Variants in ANO4 observed in about 807,000 individuals in gnomAD.
The protein encoded by ANO4 is anoctamin-4.
Under a neutral mutation model 141.9 loss-of-function variants are expected in ANO4, and 69 were observed. The observed-to-expected ratio is 0.49, with a 90% CI of 0.40 to 0.59. The LOEUF (loss-of-function observed/expected upper bound fraction) is 0.59, where lower values mean the gene tolerates loss of function less well. Ranked by LOEUF, ANO4 falls within the 20% of genes least tolerant of loss-of-function variation. The pLI, the probability that ANO4 is intolerant of heterozygous loss-of-function variation, is 0.00. For synonymous variants in ANO4, 350 were observed against 394.3 expected, an observed-to-expected ratio of 0.89 and a Z score of 1.33; for missense variants, 894 against 1,162.2, an observed-to-expected ratio of 0.77 and a Z score of 3.36.
At position 100,997,882 on chromosome 12, in the gene ANO4, CT is replaced by C. The variant is rs566725771; in HGVS notation, c.734+10216del. 3.2e-4 allele frequency among the ~76,000 whole-genome samples: 49 copies of C among 152,268 alleles called. No homozygotes were observed. The East Asian group carries it at 7.7e-3, about 24-fold the overall frequency. On this transcript the variant is annotated intron_variant, in intron 8 of 27. Coordinates refer to ENST00000392977, the MANE Select transcript of ANO4 (RefSeq NM_001286615.2). ...TCTTTATCACAGGTGCCTTGCAGGA[CT>C]TTTCTGAAGGCTGTTTCTGGTAGTC...
At chr12:100,977,572 C>T (rs977948635) in intron 7 of ANO4, among the ~76,000 whole-genome samples, 2 of 152,130 alleles carry the variant, frequency 1.3e-5, no homozygotes, top group Non-Finnish European at 2.9e-5. Context: ...TTTGCTTGCT[C>T]ATCTAGTCAG....
At chr12:100,952,975 A>G in intron 5 of ANO4, among the ~76,000 whole-genome samples, 1 of 150,016 alleles carries the variant, frequency 6.7e-6, no homozygotes, top group Middle Eastern at 3.2e-3. Flanking sequence ...ACTTTAAGGG[A>G]AAAAAATACC....
intron 2 of ANO4, among the ~76,000 whole-genome samples, chr12:100,905,057 G>A (rs2040774425): frequency 6.6e-6 from 1 of 152,178 alleles, no homozygotes. Context: ...GGAGAAGGCT[G>A]CAAGAGAAGC....
intron 1 of ANO4, among the ~76,000 whole-genome samples, chr12:100,897,784 A>G (rs767914560): frequency 2.6e-5 from 4 of 152,200 alleles, no homozygotes; most frequent in Non-Finnish European, 4.4e-5. Context: ...CAGCTGATCA[A>G]GAATCAGGAG....
chr12:100,762,587 T>C (rs1208296760), intron 3 of ANO4, among the ~76,000 whole-genome samples: 2 of 152,182 alleles, frequency 1.3e-5, no homozygotes, highest in Admixed American at 6.5e-5. Context: ...GAACAAGTGC[T>C]TACTTCCCTG....
chr12:100,723,414 C>T (rs1333833647), intron 1 of ANO4, among the ~76,000 whole-genome samples: 2 of 152,064 alleles, frequency 1.3e-5, no homozygotes, highest in Non-Finnish European at 1.5e-5. Flanking sequence ...TGGATGCTCA[C>T]GTGGCCTTTC....
At chr12:101,084,523 CA>C (rs1478288506) in intron 16 of ANO4, among the ~76,000 whole-genome samples, 5 of 151,814 alleles carry the variant, frequency 3.3e-5, no homozygotes, top group African/African-American at 1.2e-4. Flanking sequence ...TTCCTTTTTT[CA>C]AATGATGAGT....
chr12:100,912,107 C>A (rs61246670), intron 2 of ANO4, among the ~76,000 whole-genome samples: 1 of 151,976 alleles, frequency 6.6e-6, no homozygotes, highest in African/African-American at 2.4e-5. Flanking sequence ...TATTTAATTT[C>A]TTATGTGGCC....
At chr12:100,913,565 A>G (rs1177162582) in intron 2 of ANO4, among the ~76,000 whole-genome samples, 5 of 152,178 alleles carry the variant, frequency 3.3e-5, no homozygotes, top group Admixed American at 6.5e-5. Context: ...AAGTTTTATC[A>G]TAGGTATGTA....
intron 8 of ANO4, among the ~76,000 whole-genome samples, chr12:101,007,916 C>T (rs1023652782): frequency 6.6e-6 from 1 of 151,994 alleles, no homozygotes; most frequent in African/African-American, 2.4e-5. Context: ...TGCGAGCTGC[C>T]CACATGTTTA....
intron 1 of ANO4, among the ~76,000 whole-genome samples, chr12:100,847,267 T>C (rs182753705): frequency 1.3e-5 from 2 of 152,278 alleles, no homozygotes; most frequent in East Asian, 1.9e-4. Context: ...ATACACTTGC[T>C]TTTTTGGAAG....
chr12:101,001,166 G>A (rs1203902097), intron 8 of ANO4, among the ~76,000 whole-genome samples: 1 of 152,150 alleles, frequency 6.6e-6, no homozygotes, highest in Non-Finnish European at 1.5e-5. Context: ...AACACCTATA[G>A]GAAAGGGAAA....
chr12:101,051,934 C>T (rs2047889993), intron 14 of ANO4, among the ~76,000 whole-genome samples: 1 of 152,120 alleles, frequency 6.6e-6, no homozygotes, highest in Non-Finnish European at 1.5e-5. Context: ...TAATGGAGCT[C>T]AGTTTAATGG....
At chr12:101,114,405 TGTACTAG>T (rs1271689136) in intron 24 of ANO4, among the ~76,000 whole-genome samples, 5 of 152,232 alleles carry the variant, frequency 3.3e-5, no homozygotes, top group African/African-American at 1.2e-4. Flanking sequence ...TGTGTGTTCC[TGTACTAG>T]GTACACATTT....
At chr12:101,089,461 C>G (rs1006568073) in intron 17 of ANO4, among the ~76,000 whole-genome samples, 1 of 151,920 alleles carries the variant, frequency 6.6e-6, no homozygotes, top group Non-Finnish European at 1.5e-5. Context: ...TGTACCTCCC[C>G]CTTTTGACCC....
At chr12:100,879,925 G>A (rs994959208) in intron 1 of ANO4, among the ~76,000 whole-genome samples, 4 of 152,128 alleles carry the variant, frequency 2.6e-5, no homozygotes, top group Non-Finnish European at 5.9e-5. Context: ...TCATCTGCTC[G>A]GGAGTTGGGG....
chr12:101,124,532 G>A (rs1187184472), intron 26 of ANO4, among the ~76,000 whole-genome samples: 1 of 152,134 alleles, frequency 6.6e-6, no homozygotes, highest in East Asian at 1.9e-4. Flanking sequence ...TTTTCATCAT[G>A]AAATTTTTGC....
rs1406998344 is a variant in ANO4, at chr12:100,988,887, A to G, written c.734+1217A>G. 2.9e-4 allele frequency among the ~76,000 whole-genome samples: 28 copies of G among 97,684 alleles called. 1 individual carries two copies. The highest frequency in any genetic ancestry group is 1.0e-3 in the East Asian group (4 of 3,990). The allele number at this position is 97,684 out of a possible 152,430, so 64.1% of individuals were successfully genotyped here. A position where few individuals can be genotyped will look rare whatever the true frequency, so the allele number is the denominator to read the frequency against. On this transcript the variant is annotated intron_variant, in intron 8 of 27. Coordinates refer to ENST00000392977, the MANE Select transcript of ANO4 (RefSeq NM_001286615.2). The stretch of plus-strand genomic sequence containing the variant: ...CTCTGTCTCAGAAAAAAAAAAAAAA[A>G]AGAAAGAAAAACAAAAAACGAAGGT...
chr12:101,068,164 T>C, intron 14 of ANO4: 1 of 1,009,364 alleles, frequency 9.9e-7, no homozygotes, highest in Non-Finnish European at 1.3e-6. Context: ...AGGAGTTGAC[T>C]TTTAAATAGC....
Sources: allele counts gnomAD v4.1 joint callset (sites outside exome capture counted in the v4.1 genomes callset), GRCh38; gene constraint gnomAD v4.1.1; transcripts MANE v1.5; gene names NCBI Gene and HGNC (gene_info 2026-07-23, HGNC 2026-07-21).